The following PRKCE variants were observed in gnomAD, a reference collection of about 807,000 sequenced individuals.
PRKCE encodes the protein protein kinase C epsilon type.
PRKCE carries 16 observed loss-of-function variants against 85.4 expected under a neutral mutation model. That is an observed-to-expected ratio of 0.19 (90% confidence interval 0.13 to 0.28). The LOEUF (loss-of-function observed/expected upper bound fraction) is 0.28, where lower values mean the gene tolerates loss of function less well. Ranked by LOEUF, PRKCE falls within the 10% of genes least tolerant of loss-of-function variation. The pLI is 1.00. For synonymous variants in PRKCE, 388 were observed against 371.5 expected (o/e 1.04, Z -0.51); for missense variants, 573 against 975.2 (o/e 0.59, Z 5.49).
At chr2:45,684,838 AC>A (rs1677175658) in intron 1 of PRKCE, among the ~76,000 whole-genome samples, 1 of 152,126 alleles carries the variant, frequency 6.6e-6, no homozygotes, top group African/African-American at 2.4e-5. Flanking sequence ...TCCCCAGTCA[AC>A]CCCATTTGTA....
chr2:45,861,032 G>C (rs1014983888), intron 2 of PRKCE, among the ~76,000 whole-genome samples: 10 of 152,226 alleles, frequency 6.6e-5, no homozygotes, highest in African/African-American at 1.9e-4. Context: ...TTTGATGATA[G>C]GGTGGGGGCA....
intron 1 of PRKCE, among the ~76,000 whole-genome samples, chr2:45,759,941 A>T (rs1684322563): frequency 1.3e-5 from 2 of 152,054 alleles, no homozygotes; most frequent in Admixed American, 1.3e-4. Context: ...TTTATGGGGG[A>T]TACTGAAGGG....
intron 1 of PRKCE, among the ~76,000 whole-genome samples, chr2:45,805,123 T>C (rs980235117): frequency 1.3e-5 from 2 of 152,218 alleles, no homozygotes; most frequent in Non-Finnish European, 2.9e-5. Flanking sequence ...TTCTTCTTTT[T>C]AGATACTGTT....
chr2:45,839,578 A>G (rs975872601), intron 1 of PRKCE, among the ~76,000 whole-genome samples: 24 of 152,216 alleles, frequency 1.6e-4, no homozygotes, highest in African/African-American at 5.5e-4. Context: ...CTTTTGTGTC[A>G]CGCCAGCTGC....
chr2:46,008,176 TC>T (rs778904648), intron 9 of PRKCE, among the ~76,000 whole-genome samples: 2 of 152,340 alleles, frequency 1.3e-5, no homozygotes, highest in African/African-American at 2.4e-5. Context: ...GTTCTGTTTA[TC>T]CTTTACACGT....
At chr2:45,974,963 T>C (rs1702347829) in intron 2 of PRKCE, among the ~76,000 whole-genome samples, 2 of 152,112 alleles carry the variant, frequency 1.3e-5, no homozygotes, top group Admixed American at 1.3e-4. Context: ...CTGGACTCTT[T>C]GGTGATGAAA....
At chr2:45,982,914 C>A (rs190815803) in intron 5 of PRKCE, among the ~76,000 whole-genome samples, 113 of 152,296 alleles carry the variant, frequency 7.4e-4, no homozygotes, top group African/African-American at 2.4e-3. Context: ...TCCTGAGAGA[C>A]CAAGACTCTA....
intron 1 of PRKCE, among the ~76,000 whole-genome samples, chr2:45,695,505 G>A (rs1021265776): frequency 3.3e-5 from 5 of 152,162 alleles, no homozygotes; most frequent in Non-Finnish European, 5.9e-5. Flanking sequence ...GGGCATGGTC[G>A]CTCATGCCTA....
At chr2:45,832,770 T>C (rs1030476684) in intron 1 of PRKCE, among the ~76,000 whole-genome samples, 1 of 152,174 alleles carries the variant, frequency 6.6e-6, no homozygotes, top group Non-Finnish European at 1.5e-5. Flanking sequence ...GAACCCGGCT[T>C]TAACGCACAC....
At chr2:46,128,587 C>A (rs1674101935) in intron 11 of PRKCE, among the ~76,000 whole-genome samples, 1 of 152,240 alleles carries the variant, frequency 6.6e-6, no homozygotes, top group African/African-American at 2.4e-5. Context: ...TGCTCAATCT[C>A]AGGCATCTCT....
intron 1 of PRKCE, among the ~76,000 whole-genome samples, chr2:45,682,806 C>T (rs972475801): frequency 6.6e-6 from 1 of 152,148 alleles, no homozygotes; most frequent in African/African-American, 2.4e-5. Flanking sequence ...CTCCTGACCT[C>T]AGGTGATTCA....
At chr2:46,061,134 G>A (rs1667084584) in intron 10 of PRKCE, among the ~76,000 whole-genome samples, 1 of 136,960 alleles carries the variant, frequency 7.3e-6, no homozygotes, top group Admixed American at 7.4e-5. Flanking sequence ...TTTGAGACAG[G>A]GTCTTACTCC....
rs1677093718 is a variant in PRKCE at position 46,155,358 on chromosome 2, C to G, written c.1920+4129C>G. On this transcript the variant is annotated intron_variant, in intron 13 of 14. Transcript: ENST00000306156. This position sits in a 1 kb window ranked among gnomAD's most constrained non-coding sequence, Gnocchi z 4.7. Reference sequence around the variant, plus strand: ...TCTTCTCAGCTCCTTGCTGGTGTCACTCGCGGGCCCCTGTTCGGCTCCTTC... The same window carrying G: ...TCTTCTCAGCTCCTTGCTGGTGTCAGTCGCGGGCCCCTGTTCGGCTCCTTC... Among the ~76,000 whole-genome samples, 1 of 152,132 alleles carries G rather than the reference C, an allele frequency of 6.6e-6. No individual in the cohort carries two copies. Among genetic ancestry groups the G allele is most frequent in the South Asian group, 2.1e-4 (1 of 4,826 alleles).
chr2:45,737,944 TC>T (rs1235569640), intron 1 of PRKCE, among the ~76,000 whole-genome samples: 1 of 152,136 alleles, frequency 6.6e-6, no homozygotes, highest in Admixed American at 6.5e-5. Flanking sequence ...CCTCCATTCT[TC>T]CATCTCCCTG....
chr2:45,702,479 C>T (rs139483778), intron 1 of PRKCE, among the ~76,000 whole-genome samples: 16 of 152,200 alleles, frequency 1.1e-4, no homozygotes, highest in Non-Finnish European at 2.1e-4. Flanking sequence ...TTATAGAAGG[C>T]GCTCGGTCAG....
At chr2:45,901,687 T>C (rs1430892161) in intron 2 of PRKCE, among the ~76,000 whole-genome samples, 1 of 152,236 alleles carries the variant, frequency 6.6e-6, no homozygotes, top group African/African-American at 2.4e-5. Context: ...ACATTTCCCA[T>C]TATGTATCTT....
intron 10 of PRKCE, chr2:46,011,039 G>A (rs1174534377): frequency 4.0e-6 from 4 of 1,001,332 alleles, no homozygotes; most frequent in Non-Finnish European, 5.2e-6. Context: ...GAACCAGAAG[G>A]TGGCAGTAAA....
chr2:45,827,080 G>GCCAAAT, intron 1 of PRKCE, among the ~76,000 whole-genome samples: 1 of 152,320 alleles, frequency 6.6e-6, no homozygotes, highest in Admixed American at 6.5e-5. Flanking sequence ...CAAAGCCAAA[G>GCCAAAT]CACGTGCCAG....
intron 1 of PRKCE, among the ~76,000 whole-genome samples, chr2:45,804,842 C>G (rs928344040): frequency 2.0e-5 from 3 of 151,854 alleles, no homozygotes; most frequent in Non-Finnish European, 4.4e-5. Flanking sequence ...GAAGGCCAAC[C>G]AGGAATCAAA....
Sources: gnomAD v4.1 joint callset for allele counts (sites outside exome capture counted in the v4.1 genomes callset) on GRCh38, gnomAD v4.1.1 for gene constraint, Gnocchi (gnomAD v3.1) non-coding constraint, MANE v1.5 for transcripts, NCBI Gene and HGNC (gene_info 2026-07-23, HGNC 2026-07-21) for gene names.